Variants in NPL observed in about 807,000 individuals in gnomAD.
The protein encoded by NPL is N-acetylneuraminate pyruvate lyase.
NPL carries 32 observed loss-of-function variants against 41.1 expected under a neutral mutation model. The ratio of observed to expected loss-of-function variants is 0.78; its 90% CI spans 0.59 to 1.05. The LOEUF (loss-of-function observed/expected upper bound fraction) is 1.05. Among genes scored for constraint, NPL ranks in the 50% least tolerant of loss-of-function variants. The pLI is 0.00. For synonymous variants in NPL, 128 were observed against 134.9 expected, an observed-to-expected ratio of 0.95 and a Z score of 0.35; for missense variants, 321 against 378.4, an observed-to-expected ratio of 0.85 and a Z score of 1.26.
In NPL at chr1:182,789,774, G is replaced by C. The variant is rs1666438778; in HGVS notation, c.-103G>C. The C allele has an allele frequency of 6.5e-6, 1 of 153,872 alleles. No homozygotes were observed. The highest frequency in any genetic ancestry group is 1.4e-5 in the Non-Finnish European group (1 of 69,454). The allele number at this position is 153,872 out of a possible 1,614,324, so 9.5% of individuals were successfully genotyped here. A position where few individuals can be genotyped will look rare whatever the true frequency, so the allele number is the denominator to read the frequency against. On this transcript the variant is annotated 5_prime_UTR_variant, in exon 1 of 13. Coordinates refer to ENST00000367553, the MANE Select transcript of NPL (RefSeq NM_030769.3). ...AAAGCGCGGCGGCGGCTGCCGGGCGGAGCGGCTGCACGGACAAGAGCGGAG... is the reference window on the plus strand; with the variant it reads ...AAAGCGCGGCGGCGGCTGCCGGGCGCAGCGGCTGCACGGACAAGAGCGGAG...
chr1:182,818,498 C>A (rs1363610490), intron 8 of NPL, 43 bp from the exon 9 acceptor site: 1 of 1,609,898 alleles, frequency 6.2e-7, no homozygotes, highest in Non-Finnish European at 8.5e-7. Context: ...ATGTTATTTC[C>A]TAGAGATGTG....
chr1:182,791,589 T>C (rs1470147705), intron 1 of NPL, among the ~76,000 whole-genome samples: 1 of 152,194 alleles, frequency 6.6e-6, no homozygotes, highest in Non-Finnish European at 1.5e-5. Context: ...TATCCTACAC[T>C]CCCAACGGCC....
chr1:182,800,556 C>G (rs560530626), intron 3 of NPL, among the ~76,000 whole-genome samples: 18 of 152,034 alleles, frequency 1.2e-4, no homozygotes, highest in South Asian at 4.2e-4. Context: ...GATTTCACCC[C>G]CACTTGTGCC....
chr1:182,827,066 C>T (rs1667650080), intron 12 of NPL: 1 of 152,178 alleles, frequency 6.6e-6, no homozygotes. Flanking sequence ...TATTTTTGGA[C>T]TGCAGTTGAC....
At chr1:182,816,538 TGAAG>T (rs1360281325) in intron 7 of NPL, among the ~76,000 whole-genome samples, 172 bp from the exon 8 acceptor site, 23 of 152,186 alleles carry the variant, frequency 1.5e-4, no homozygotes, top group Admixed American at 2.0e-4. Flanking sequence ...AAATAAAACT[TGAAG>T]GAAGTGAGTT....
At chr1:182,793,634 G>A (rs1232842578) in intron 2 of NPL, among the ~76,000 whole-genome samples, 1 of 152,124 alleles carries the variant, frequency 6.6e-6, no homozygotes, top group Admixed American at 6.5e-5. Context: ...AGGAAAACTG[G>A]ACAAAACTGG....
intron 12 of NPL, among the ~76,000 whole-genome samples, chr1:182,827,699 A>C (rs1246689129): frequency 6.6e-6 from 1 of 151,618 alleles, no homozygotes; most frequent in African/African-American, 2.4e-5. Context: ...TCCTTCTTTT[A>C]TCTCTGAGAA....
chr1:182,825,859 G>A, intron 12 of NPL, 39 bp downstream of exon 12: 1 of 1,491,940 alleles, frequency 6.7e-7, no homozygotes, highest in Non-Finnish European at 9.3e-7. Flanking sequence ...TGCTGCTGGA[G>A]ACTGTAAAGA....
chr1:182,812,489 A>G (rs1270072584), intron 6 of NPL, among the ~76,000 whole-genome samples: 2 of 152,306 alleles, frequency 1.3e-5, no homozygotes, highest in Non-Finnish European at 2.9e-5. Flanking sequence ...GGTAAGGAGC[A>G]GAACTGAGCC....
chr1:182,803,750 CAG>C lies in NPL; in HGVS notation c.122_123del (p.Gln41ArgfsTer65). On this transcript the variant is annotated frameshift_variant, in exon 4 of 13. Coordinates refer to ENST00000367553, the MANE Select transcript of NPL (RefSeq NM_030769.3). LOFTEE classifies it high-confidence loss of function. ...GQYVDYLVKEQGVKNIFVNGT... is the reference protein window; with the variant it reads ...GQYVDYLVKEXGVKNIFVNGT... Reference sequence around the variant, plus strand: ...GTATGTGGATTATCTTGTGAAAGAACAGGGAGTGAAGAACATTTTTGGTAAGT... The same window carrying C: ...GTATGTGGATTATCTTGTGAAAGAACGGAGTGAAGAACATTTTTGGTAAGT... The C allele has an allele frequency of 1.2e-6, 2 of 1,612,650 alleles. No individual in the cohort carries two copies. The highest frequency in any genetic ancestry group is 1.7e-6 in the Non-Finnish European group (2 of 1,178,658).
At chr1:182,794,572 A>T in intron 3 of NPL, 133 bp downstream of exon 3, 2 of 854,644 alleles carry the variant, frequency 2.3e-6, no homozygotes, top group East Asian at 5.0e-5. Context: ...TCTGTCTGTC[A>T]TCCCTCTGCA....
intron 8 of NPL, among the ~76,000 whole-genome samples, chr1:182,817,842 C>T (rs1056687210): frequency 2.1e-4 from 32 of 152,226 alleles, no homozygotes; most frequent in African/African-American, 6.5e-4. Context: ...AAGCCATCCT[C>T]CAGGCACCTT....
Position 182,822,159 on chromosome 1 carries a change from CT to C in NPL, c.702del (p.Phe234LeufsTer8). 1 of 1,613,778 alleles carries C rather than the reference CT, an allele frequency of 6.2e-7. No individual in the cohort carries two copies. The highest frequency in any genetic ancestry group is 8.5e-7 in the Non-Finnish European group (1 of 1,179,660). On this transcript the variant is annotated frameshift_variant, in exon 11 of 13. Coordinates refer to ENST00000367553, the MANE Select transcript of NPL (RefSeq NM_030769.3). LOFTEE classifies it high-confidence loss of function. ...AAAAAGACAAACCAGATGTTGGAGG[CT>C]TTTGAACAAAAGGACTTCTCTTTAG... is the stretch of plus-strand genomic sequence containing the variant. ...LGKKTNQMLE[A>X]FEQKDFSLAL...
intron 1 of NPL, among the ~76,000 whole-genome samples, chr1:182,791,727 C>T (rs1279522539): frequency 6.6e-6 from 1 of 152,110 alleles, no homozygotes; most frequent in Non-Finnish European, 1.5e-5. Context: ...TGTTACCGTC[C>T]TTAGTATCAA....
chr1:182,806,750 T>G (rs1667022924), intron 5 of NPL, among the ~76,000 whole-genome samples: 1 of 152,210 alleles, frequency 6.6e-6, no homozygotes, highest in Non-Finnish European at 1.5e-5. Context: ...CAGTGATAAA[T>G]TTTTGTAACA....
chr1:182,790,493 T>G (rs1381964090), intron 1 of NPL, among the ~76,000 whole-genome samples: 1 of 152,212 alleles, frequency 6.6e-6, no homozygotes, highest in Non-Finnish European at 1.5e-5. Context: ...ATTCCCAAGT[T>G]TATCTAAAAC....
At chr1:182,799,536 G>T (rs1403796244) in intron 3 of NPL, among the ~76,000 whole-genome samples, 1 of 151,902 alleles carries the variant, frequency 6.6e-6, no homozygotes, top group African/African-American at 2.4e-5. Context: ...ATCCTGAGTG[G>T]GTTTTCTTTT....
chr1:182,820,167 C>T (rs1411940568), intron 10 of NPL, among the ~76,000 whole-genome samples: 2 of 152,216 alleles, frequency 1.3e-5, no homozygotes, highest in Non-Finnish European at 2.9e-5. Context: ...GGCAAGTGTC[C>T]ATGTCAGGTC....
intron 3 of NPL, 147 bp from the exon 4 acceptor site, chr1:182,803,551 G>A (rs1666916282): frequency 1.5e-6 from 1 of 668,590 alleles, no homozygotes; most frequent in African/African-American, 1.8e-5. Context: ...AAAACCCCAG[G>A]CATTATTTAC....
Sources: gnomAD v4.1 joint callset for allele counts (sites outside exome capture counted in the v4.1 genomes callset) on GRCh38, gnomAD v4.1.1 for gene constraint, MANE v1.5 for transcripts, NCBI Gene and HGNC (gene_info 2026-07-23, HGNC 2026-07-21) for gene names.